Variants in PDXDC1 observed in about 807,000 individuals in gnomAD.
PDXDC1 encodes the protein pyridoxal-dependent decarboxylase domain-containing protein 1.
A neutral mutation model predicts 100.1 loss-of-function variants in PDXDC1; 42 were observed. The ratio of observed to expected loss-of-function variants is 0.42; its 90% CI spans 0.33 to 0.54. PDXDC1 has a LOEUF of 0.54. PDXDC1 is among the 20% of genes least tolerant of loss of function. The probability of loss-of-function intolerance (pLI) is 0.10; values close to 1 mark genes in which losing one functional copy is unlikely to be tolerated. For missense variants in PDXDC1, 636 were observed against 979.2 expected, an observed-to-expected ratio of 0.65 and a Z score of 4.68; for synonymous variants, 260 against 371.7, an observed-to-expected ratio of 0.70 and a Z score of 3.46.
chr16:15,064,973 C>G (rs181518024), intron 16 of PDXDC1, among the ~76,000 whole-genome samples: 3 of 152,068 alleles, frequency 2.0e-5, no homozygotes, highest in African/African-American at 7.2e-5. Flanking sequence ...GAGAACATCC[C>G]GGCTAACACA....
chr16:15,132,326 G>GGAGGA (rs2048125378), intron 16 of PDXDC1, among the ~76,000 whole-genome samples: 1 of 38,316 alleles, frequency 2.6e-5, no homozygotes, highest in East Asian at 1.1e-3. Flanking sequence ...CTAGCGGAGG[G>GGAGGA]GAGGGGAGGG....
At chr16:15,083,453 T>C (rs1336433759) in intron 16 of PDXDC1, 3 of 1,601,692 alleles carry the variant, frequency 1.9e-6, no homozygotes, top group Admixed American at 1.7e-5. Context: ...CCTAATATCA[T>C]CTAAAATGAA....
At chr16:14,999,218 C>T (rs923598094) in intron 3 of PDXDC1, among the ~76,000 whole-genome samples, 1 of 152,288 alleles carries the variant, frequency 6.6e-6, no homozygotes, top group Admixed American at 6.5e-5. Flanking sequence ...AGGCACCCAC[C>T]ACCACGCCCA....
rs376962181 is a variant in PDXDC1, at chr16:15,034,385, C to T, written c.1905+7C>T. 14 of 1,613,250 alleles carry T rather than the reference C, an allele frequency of 8.7e-6. No individual in the cohort carries two copies. The highest frequency in any genetic ancestry group is 1.2e-5 in the Non-Finnish European group (14 of 1,179,842). ...AGAACGGCTTCTGGAAGAGGTGAGGCCCCCGATGGGCAGCAGGCTGGGGGA... is the reference window on the plus strand; with the variant it reads ...AGAACGGCTTCTGGAAGAGGTGAGGTCCCCGATGGGCAGCAGGCTGGGGGA... On this transcript the variant is annotated splice_region_variant and intron_variant, in intron 20 of 22. Coordinates refer to ENST00000396410, the MANE Select transcript of PDXDC1 (RefSeq NM_015027.4).
chr16:14,996,717 C>T (rs1365277407), intron 1 of PDXDC1, among the ~76,000 whole-genome samples: 1 of 152,264 alleles, frequency 6.6e-6, no homozygotes, highest in African/African-American at 2.4e-5. Flanking sequence ...ATTAGCCAGG[C>T]ATGGTGGCGA....
At chr16:14,996,192 C>G (rs996999087) in intron 1 of PDXDC1, among the ~76,000 whole-genome samples, 1 of 152,284 alleles carries the variant, frequency 6.6e-6, no homozygotes, top group Non-Finnish European at 1.5e-5. Context: ...CCTTAGGTCC[C>G]TTCTAGAATG....
chr16:14,989,988 C>A (rs1970369726), intron 1 of PDXDC1: 3 of 1,461,450 alleles, frequency 2.1e-6, no homozygotes, highest in Admixed American at 5.1e-5. Flanking sequence ...CTCGGTGGCG[C>A]CCGGCTCACC....
intron 13 of PDXDC1, chr16:15,025,585 GAA>G (rs1483988024): frequency 2.0e-5 from 3 of 152,526 alleles, no homozygotes; most frequent in African/African-American, 7.2e-5. Flanking sequence ...ACGGTCCTTT[GAA>G]AAGTTAGTAG....
intron 6 of PDXDC1, among the ~76,000 whole-genome samples, 189 bp downstream of exon 6, chr16:15,006,772 G>A (rs376502062): frequency 1.3e-5 from 2 of 152,286 alleles, no homozygotes. Flanking sequence ...TTACCCAGGG[G>A]CATCCACAGT....
intron 1 of PDXDC1, among the ~76,000 whole-genome samples, chr16:14,994,704 G>T (rs1359338320): frequency 1.3e-5 from 2 of 152,284 alleles, no homozygotes; most frequent in Non-Finnish European, 2.9e-5. Flanking sequence ...GATGGGGATG[G>T]CATTGAATCT....
rs371561825 is a variant in PDXDC1 at position 14,994,240 on chromosome 16, CT to C, written c.22-3512del. 2.5e-4 allele frequency among the ~76,000 whole-genome samples: 38 copies of C among 152,382 alleles called. No homozygotes were observed. The South Asian group carries it at 7.3e-3, about 29-fold the overall frequency. ...ATGCCTGTGTCCTGAATGGTATTGC[CT>C]AGGTTTTCTTCTAGGGTTTTTATGG... On this transcript the variant is annotated intron_variant, in intron 1 of 22. Coordinates refer to ENST00000396410, the MANE Select transcript of PDXDC1 (RefSeq NM_015027.4).
the PDXDC1 span, among the ~76,000 whole-genome samples, chr16:15,145,936 C>G: frequency 2.0e-5 from 3 of 152,218 alleles, no homozygotes; most frequent in Admixed American, 6.5e-5. Context: ...CGTGTGTCTC[C>G]CTCCAAAGTA....
rs7185207 is a variant in PDXDC1 at position 14,997,127 on chromosome 16, C to A, written c.22-626C>A. On this transcript the variant is annotated intron_variant, in intron 1 of 22. Transcript: ENST00000396410. ...GTAGGGTCCTTGGTTTTGGCCTCAC[C>A]TGGTTCTTCCCAGAATGAATGGTGA... Among the ~76,000 whole-genome samples the A allele has an allele frequency of 5.3e-5, 8 of 152,080 alleles. No individual in the cohort carries two copies. In the South Asian group the frequency reaches 8.3e-4, roughly 16 times the overall value.
At chr16:14,977,741 T>C (rs1432373050) in intron 1 of PDXDC1, among the ~76,000 whole-genome samples, 3 of 152,274 alleles carry the variant, frequency 2.0e-5, no homozygotes, top group Admixed American at 6.5e-5. Flanking sequence ...CATTTAATTG[T>C]GTTCATTATT....
At chr16:14,995,851 C>T (rs1971848641) in intron 1 of PDXDC1, among the ~76,000 whole-genome samples, 1 of 152,278 alleles carries the variant, frequency 6.6e-6, no homozygotes, top group African/African-American at 2.4e-5. Flanking sequence ...GATTCAACTT[C>T]TTCCTGGTTT....
chr16:15,100,995 G>C (rs1451502933), intron 16 of PDXDC1, among the ~76,000 whole-genome samples: 1 of 152,100 alleles, frequency 6.6e-6, no homozygotes, highest in Non-Finnish European at 1.5e-5. Context: ...TTAATTAATG[G>C]AAGAAAGAAA....
At chr16:15,103,824 A>G (rs1382430776) in intron 16 of PDXDC1, among the ~76,000 whole-genome samples, 1 of 103,140 alleles carries the variant, frequency 9.7e-6, no homozygotes, top group African/African-American at 3.7e-5. Context: ...AGTGATCTTT[A>G]ACACTGAGCA....
chr16:15,035,811 G>A (rs1034156334), intron 22 of PDXDC1, among the ~76,000 whole-genome samples: 4 of 152,102 alleles, frequency 2.6e-5, no homozygotes, highest in Non-Finnish European at 4.4e-5. Flanking sequence ...TAATGAAGAT[G>A]ACCTTAGAGT....
At position 15,036,529 on chromosome 16, in the gene PDXDC1, C is replaced by T. The variant is rs1307721722; in HGVS notation, c.*254C>T. ...TAAGTTACCATAAACACATTTTATT[C>T]ACAAAAAACACTTCGAATTTCAAGT... On this transcript the variant is annotated 3_prime_UTR_variant, in exon 23 of 23. Transcript: ENST00000396410. 3.8e-6 allele frequency: 2 copies of T among 519,750 alleles called. No individual in the cohort carries two copies. Among genetic ancestry groups the T allele is most frequent in the Non-Finnish European group, 6.8e-6 (2 of 295,904 alleles). The allele number at this position is 519,750 out of a possible 1,614,324, so 32.2% of individuals were successfully genotyped here. A position where few individuals can be genotyped will look rare whatever the true frequency, so the allele number is the denominator to read the frequency against.
Sources: allele counts gnomAD v4.1 joint callset (sites outside exome capture counted in the v4.1 genomes callset), GRCh38; gene constraint gnomAD v4.1.1; transcripts MANE v1.5; gene names NCBI Gene and HGNC (gene_info 2026-07-23, HGNC 2026-07-21).